The following LRRC9 variants were observed in gnomAD, a reference collection of about 807,000 sequenced individuals.
LRRC9 encodes leucine-rich repeat-containing protein 9.
A neutral mutation model predicts 63.2 loss-of-function variants in LRRC9; 122 were observed. The ratio of observed to expected loss-of-function variants is 1.93; its 90% CI spans 1.67 to 2.24. The LOEUF (loss-of-function observed/expected upper bound fraction) is 2.24. Among genes scored for constraint, LRRC9 ranks in the 30% most tolerant of loss-of-function variants. The pLI, the probability that LRRC9 is intolerant of heterozygous loss-of-function variation, is 0.00. For missense variants in LRRC9, 1,071 were observed against 627.7 expected (o/e 1.71, Z -7.55); for synonymous variants, 366 against 213.1 (o/e 1.72, Z -6.25).
At chr14:60,025,598 G>A (rs1332908109) in intron 27 of LRRC9, among the ~76,000 whole-genome samples, 1 of 151,714 alleles carries the variant, frequency 6.6e-6, no homozygotes, top group African/African-American at 2.4e-5. Flanking sequence ...GGAGTCACTA[G>A]GCAAGGTGTT....
intron 10 of LRRC9, among the ~76,000 whole-genome samples, chr14:59,965,468 G>A (rs1214105824): frequency 1.3e-5 from 2 of 152,192 alleles, no homozygotes; most frequent in Non-Finnish European, 2.9e-5. Flanking sequence ...TTGTCAGGAA[G>A]TTATTTCAGT....
intron 26 of LRRC9, among the ~76,000 whole-genome samples, chr14:60,021,287 ATCT>A (rs1891098053): frequency 6.6e-6 from 1 of 151,864 alleles, no homozygotes; most frequent in South Asian, 2.1e-4. Flanking sequence ...TCCTTCATAT[ATCT>A]TCTTTGGTAA....
chr14:59,955,838 T>C (rs773486332), intron 8 of LRRC9, among the ~76,000 whole-genome samples: 16 of 152,206 alleles, frequency 1.1e-4, no homozygotes, highest in Non-Finnish European at 2.1e-4. Context: ...TGGTACGTTG[T>C]CTCTTTGTTC....
chr14:60,016,729 C>G (rs897492166), exon 24 of LRRC9: 27 of 700,736 alleles, frequency 3.9e-5, no homozygotes, highest in Non-Finnish European at 6.0e-5. Context: ...GATTGCAGAA[C>G]GACAAGGACA....
Position 59,962,939 on chromosome 14 carries a change from A to C in LRRC9, c.1211+1894A>C, listed in dbSNP as rs1884488927. On this transcript the variant is annotated intron_variant, in intron 10 of 31. Coordinates refer to ENST00000445360, the Ensembl canonical transcript of LRRC9. The surrounding 1 kb of genome is among the most constrained non-coding windows in gnomAD (Gnocchi z 5.1). Reference sequence around the variant, plus strand: ...TTTGATTTGTTTTAAGGAATATATCAAATATATGTTAGCAGAATTTAAAGT... The same window carrying C: ...TTTGATTTGTTTTAAGGAATATATCCAATATATGTTAGCAGAATTTAAAGT... 6.6e-6 allele frequency among the ~76,000 whole-genome samples: 1 copy of C among 152,226 alleles called. No individual in the cohort carries two copies. The highest frequency in any genetic ancestry group is 1.5e-5 in the Non-Finnish European group (1 of 68,036).
At chr14:59,926,495 A>T (rs767289846) in intron 1 of LRRC9, among the ~76,000 whole-genome samples, 1 of 152,224 alleles carries the variant, frequency 6.6e-6, no homozygotes, top group African/African-American at 2.4e-5. Context: ...TATAGCATAC[A>T]TCCAGAAATC....
intron 20 of LRRC9, among the ~76,000 whole-genome samples, chr14:60,002,684 A>T (rs548100404): frequency 1.3e-5 from 2 of 152,324 alleles, no homozygotes; most frequent in East Asian, 3.9e-4. Context: ...CAGGGAGGTC[A>T]AGTCATGAAT....
chr14:59,947,155 C>T (rs1882527950), intron 8 of LRRC9, among the ~76,000 whole-genome samples: 2 of 151,408 alleles, frequency 1.3e-5, no homozygotes, highest in Non-Finnish European at 3.0e-5. Flanking sequence ...TCTCCACATC[C>T]TCTCCAGCAC....
At chr14:60,065,825 T>G (rs1015727966), downstream of LRRC9, among the ~76,000 whole-genome samples, 5 of 151,310 alleles carry the variant, frequency 3.3e-5, no homozygotes, top group Non-Finnish European at 7.4e-5. Flanking sequence ...TTAAAGACAA[T>G]TCCACAAACA....
chr14:60,040,104 T>A (rs977379544), intron 29 of LRRC9, among the ~76,000 whole-genome samples: 1 of 152,002 alleles, frequency 6.6e-6, no homozygotes, highest in South Asian at 2.1e-4. Context: ...TGAGTTCTAG[T>A]TTGATTGCAC....
intron 12 of LRRC9, among the ~76,000 whole-genome samples, chr14:59,971,330 T>G (rs907752213): frequency 6.6e-6 from 1 of 152,186 alleles, no homozygotes; most frequent in African/African-American, 2.4e-5. Flanking sequence ...TTTCTTACTG[T>G]AGACCTGTAG....
In LRRC9 at chr14:59,937,824, A is replaced by T. The variant is rs980628075; in HGVS notation, c.544-566A>T. Among the ~76,000 whole-genome samples, 8 of 152,154 alleles carry T rather than the reference A, an allele frequency of 5.3e-5. No individual in the cohort carries two copies. The East Asian group carries it at 1.2e-3, about 22-fold the overall frequency. ...AGGTTGTGAGAAAACTGAGGCCCTC[A>T]AAAGAAAGTTAGGCTTTAGTTGACC... On this transcript the variant is annotated intron_variant, in intron 6 of 31. Transcript: ENST00000445360.
In LRRC9 at chr14:60,006,964, T is replaced by C. The variant is rs191716501; in HGVS notation, c.3063+347T>C. Reference sequence around the variant, plus strand: ...CAAACTTGGTCGCCTTTGCTCAGATTTGCTTTTGTTAATTCCCCCAAAAAA... The same window carrying C: ...CAAACTTGGTCGCCTTTGCTCAGATCTGCTTTTGTTAATTCCCCCAAAAAA... On this transcript the variant is annotated intron_variant, in intron 22 of 31. Coordinates refer to ENST00000445360, the Ensembl canonical transcript of LRRC9. 3.1e-4 allele frequency among the ~76,000 whole-genome samples: 47 copies of C among 152,284 alleles called. No homozygotes were observed. In the East Asian group the frequency reaches 7.5e-3, roughly 24 times the overall value.
chr14:60,003,963 G>C lies in LRRC9; in HGVS notation c.2842+165G>C, dbSNP rs751605184. On this transcript the variant is annotated intron_variant, in intron 21 of 31. Transcript: ENST00000445360. This position sits in a 1 kb window ranked among gnomAD's most constrained non-coding sequence, Gnocchi z 4.2. ...CCTGTGTGAGGTAATGCAATTATTA[G>C]TTAGCTAGATTGGACCATTCTACAA... Among the ~76,000 whole-genome samples, 1 of 152,088 alleles carries C rather than the reference G, an allele frequency of 6.6e-6. No homozygotes were observed. The highest frequency in any genetic ancestry group is 1.5e-5 in the Non-Finnish European group (1 of 67,994).
chr14:60,027,827 T>A lies in LRRC9; in HGVS notation c.3704-57T>A. On this transcript the variant is annotated intron_variant, in intron 27 of 31. Transcript: ENST00000445360. The surrounding 1 kb of genome is among the most constrained non-coding windows in gnomAD (Gnocchi z 4.0). ...AAAAATATTTAAATGTAAGTAGATA[T>A]CCTTTACTTCAGGAAGTTTGGGCTC... The A allele has an allele frequency of 1.7e-6, 1 of 584,960 alleles. No individual in the cohort carries two copies. The highest frequency in any genetic ancestry group is 2.8e-5 in the East Asian group (1 of 35,184). The allele number at this position is 584,960 out of a possible 1,614,324, so 36.2% of individuals were successfully genotyped here.
At position 60,018,318 on chromosome 14, in the gene LRRC9, A is replaced by G. The variant is rs555043761; in HGVS notation, c.3318-53A>G. On this transcript the variant is annotated intron_variant, in intron 24 of 31. Transcript: ENST00000445360. ...TATGTGAAGGAACTCACCTTTTCCT[A>G]TATTTTCCTGTCCTATTAAAATAAT... The G allele has an allele frequency of 3.6e-4, 254 of 696,396 alleles. No homozygotes were observed. The African/African-American group carries it at 3.8e-3, about 10-fold the overall frequency. 43.1% of individuals were successfully genotyped at this position (696,396 alleles called of 1,614,324 possible).
rs143808908 is a variant in LRRC9 at position 60,058,790 on chromosome 14, T to TA, written c.4276+776dup. 6.6e-6 allele frequency among the ~76,000 whole-genome samples: 1 copy of TA among 151,748 alleles called. No homozygotes were observed. Among genetic ancestry groups the TA allele is most frequent in the Non-Finnish European group, 1.5e-5 (1 of 67,868 alleles). On this transcript the variant is annotated intron_variant, in intron 31 of 31. Transcript: ENST00000445360. The surrounding 1 kb of genome is among the most constrained non-coding windows in gnomAD (Gnocchi z 4.4). ...TATAAAATGATCTAAGAGCCTCCTA[T>TA]AAAAAAAAGTAGACTGTTCCATGTG...
chr14:59,989,657 T>C (rs1887845176), intron 17 of LRRC9, among the ~76,000 whole-genome samples: 1 of 152,154 alleles, frequency 6.6e-6, no homozygotes, highest in Admixed American at 6.5e-5. Context: ...TGGTGTACTT[T>C]TTTGCTACCA....
intron 7 of LRRC9, among the ~76,000 whole-genome samples, chr14:59,940,665 T>C (rs111404519): frequency 3.0e-4 from 46 of 152,236 alleles, no homozygotes; most frequent in African/African-American, 1.1e-3. Context: ...AGGGTTGTTT[T>C]GGGGGAGCCA....
Sources: gnomAD v4.1 joint callset for allele counts (sites outside exome capture counted in the v4.1 genomes callset) on GRCh38, gnomAD v4.1.1 for gene constraint, Gnocchi (gnomAD v3.1) non-coding constraint, MANE v1.5 for transcripts, NCBI Gene and HGNC (gene_info 2026-07-23, HGNC 2026-07-21) for gene names.